Variants in LONRF1 observed in about 807,000 individuals in gnomAD.
LONRF1 encodes LON peptidase N-terminal domain and RING finger protein 1.
A neutral mutation model predicts 85.8 loss-of-function variants in LONRF1; 37 were observed. That is an observed-to-expected ratio of 0.43 (90% confidence interval 0.33 to 0.57). The LOEUF (loss-of-function observed/expected upper bound fraction) is 0.57. Among genes scored for constraint, LONRF1 ranks in the 20% least tolerant of loss-of-function variants. The probability of loss-of-function intolerance (pLI) is 0.04; values close to 1 mark genes in which losing one functional copy is unlikely to be tolerated. For missense variants in LONRF1, 1,036 were observed against 978.0 expected, an observed-to-expected ratio of 1.06 and a Z score of -0.79; for synonymous variants, 517 against 390.1, an observed-to-expected ratio of 1.33 and a Z score of -3.83.
In LONRF1 at chr8:12,736,996, G is replaced by C. The variant is rs1317988810; in HGVS notation, c.1258C>G (p.Gln420Glu). The change falls in exon 5 of 12, where the codon CAA (glutamine) becomes GAA (glutamate). Residue 420 changes from glutamine to glutamate, a missense_variant. Around this residue, in one of 3 missense-constraint regions of LONRF1, gnomAD observed 742 missense variants for 614.4 expected, o/e 1.21. Coordinates refer to ENST00000398246, the MANE Select transcript of LONRF1 (RefSeq NM_152271.5). ...RVSSEPVLSV[Q>E]EKGVLLKRKL... is the part of the protein sequence containing the mutation. ...CTTTTCAGCAGAACACCTTTTTCTT[G>C]AACTGACAGAACAGGTTCTGAGGAC... The C allele has an allele frequency of 6.2e-7, 1 of 1,613,206 alleles. No individual in the cohort carries two copies. The highest frequency in any genetic ancestry group is 1.3e-5 in the African/African-American group (1 of 74,762).
rs1798744188 is a variant in LONRF1 at position 12,737,019 on chromosome 8, G to A, written c.1235C>T (p.Ser412Phe). The change falls in exon 5 of 12, where the codon TCC becomes TTC. Residue 412 changes from serine to phenylalanine, a missense_variant. Physicochemically the swap from Ser to Phe is radical, Grantham distance 155. Transcript: ENST00000398246. ...PAREDCLKRV[S>F]SEPVLSVQEK... The stretch of plus-strand genomic sequence containing the variant: ...TTGAACTGACAGAACAGGTTCTGAG[G>A]ACACTCTTTTTAAACAGTCCTCTCT... 1 of 1,613,584 alleles carries A rather than the reference G, an allele frequency of 6.2e-7. No homozygotes were observed. The highest frequency in any genetic ancestry group is 1.3e-5 in the African/African-American group (1 of 74,962).
intron 1 of LONRF1, among the ~76,000 whole-genome samples, chr8:12,744,422 A>G (rs985271050): frequency 6.6e-6 from 1 of 152,184 alleles, no homozygotes; most frequent in African/African-American, 2.4e-5. Context: ...CATGTCTAGA[A>G]TATTGTGTCT....
In LONRF1 at chr8:12,729,189, C is replaced by G. The variant is rs1798435450; in HGVS notation, c.1832G>C (p.Ser611Thr). Residue 611 changes from serine (S) to threonine (T), a missense_variant, in exon 9 of 12, where the codon AGT (serine) becomes ACT (threonine). Physicochemically the swap from Ser to Thr is moderately conservative, Grantham distance 58. Coordinates refer to ENST00000398246, the MANE Select transcript of LONRF1 (RefSeq NM_152271.5). ...TGTKQFGMCV[S>T]DTQNSFADYG... is the part of the protein sequence containing the mutation. ...AAAAGCATACCTATTTTGTGTATCA[C>G]TGACACACATGCCAAACTGTTTGGT... The G allele has an allele frequency of 6.2e-7, 1 of 1,613,784 alleles. No individual in the cohort carries two copies. The highest frequency in any genetic ancestry group is 1.1e-5 in the South Asian group (1 of 91,084).
At chr8:12,741,576 T>C (rs1411972043) in intron 2 of LONRF1, among the ~76,000 whole-genome samples, 1 of 152,126 alleles carries the variant, frequency 6.6e-6, no homozygotes, top group Non-Finnish European at 1.5e-5. Flanking sequence ...CCCCACAATT[T>C]AAGGAAATTA....
intron 6 of LONRF1, among the ~76,000 whole-genome samples, 164 bp downstream of exon 6, chr8:12,736,537 T>A (rs1435421945): frequency 6.6e-6 from 1 of 152,178 alleles, no homozygotes; most frequent in Non-Finnish European, 1.5e-5. Flanking sequence ...GATTCAGTTA[T>A]TTGCCCAAGG....
At chr8:12,731,116 G>A (rs1334654483) in intron 8 of LONRF1, among the ~76,000 whole-genome samples, 1 of 152,074 alleles carries the variant, frequency 6.6e-6, no homozygotes, top group African/African-American at 2.4e-5. Flanking sequence ...GGGACAACAA[G>A]CAATGCCTGG....
Position 12,740,939 on chromosome 8 carries a change from G to T in LONRF1, c.898C>A (p.Gln300Lys). The T allele has an allele frequency of 6.2e-7, 1 of 1,613,602 alleles. No individual in the cohort carries two copies. Among genetic ancestry groups the T allele is most frequent in the East Asian group, 2.2e-5 (1 of 44,864 alleles). ...AGGGCTAAGCACTGAAGAAAGAGTT[G>T]TAAGGCATCACCTAAAAAACCAGCA... The part of the protein sequence containing the change: ...CDAGFLGDAL[Q>K]LFLQCLALDE... The change falls in exon 3 of 12, where the codon CAA (glutamine) becomes AAA (lysine). Residue 300 changes from glutamine to lysine, a missense_variant. Gln to Lys is a moderately conservative substitution (Grantham distance 53). Coordinates refer to ENST00000398246, the MANE Select transcript of LONRF1 (RefSeq NM_152271.5).
Position 12,736,968 on chromosome 8 carries a change from T to C in LONRF1, c.1286A>G (p.Lys429Arg), listed in dbSNP as rs1370846248. The part of the protein sequence containing the change: ...VQEKGVLLKR[K>R]LSLLEQDVIV... ...CACATCCTGTTCTAAAAGAGACAAC[T>C]TTCTTTTCAGCAGAACACCTTTTTC... The change falls in exon 5 of 12, where the codon AAG becomes AGG. Residue 429 changes from lysine (K) to arginine (R), a missense_variant. By Grantham distance (26) the Lys-to-Arg change is conservative. Transcript: ENST00000398246. 1.2e-6 allele frequency: 2 copies of C among 1,613,572 alleles called. No individual in the cohort carries two copies. The highest frequency in any genetic ancestry group is 1.7e-6 in the Non-Finnish European group (2 of 1,179,664).
chr8:12,737,894 T>C, intron 4 of LONRF1, 101 bp downstream of exon 4: 1 of 1,222,642 alleles, frequency 8.2e-7, no homozygotes, highest in Non-Finnish European at 1.1e-6. Flanking sequence ...AGGTTAAAAG[T>C]ACTTAAGTAG....
chr8:12,729,088 C>T (rs1341297759), intron 9 of LONRF1, 25 bp from the exon 10 acceptor site: 1 of 1,612,634 alleles, frequency 6.2e-7, no homozygotes, highest in Non-Finnish European at 8.5e-7. Flanking sequence ...TGATTAGTAA[C>T]AAAGTTGAAA....
rs1370149454 is a variant in LONRF1 at position 12,755,428 on chromosome 8, G to A, written c.-8C>T. 8 of 1,135,272 alleles carry A rather than the reference G, an allele frequency of 7.0e-6. 1 individual carries two copies. In the South Asian group the frequency reaches 1.7e-4, roughly 24 times the overall value. The allele number at this position is 1,135,272 out of a possible 1,614,324, so 70.3% of individuals were successfully genotyped here. Reference sequence around the variant, plus strand: ...CACCGCCGGAGAGGACATGGCCCGCGGAGGGCTGCGCCGCCGCCGCCCGCC... The same window carrying A: ...CACCGCCGGAGAGGACATGGCCCGCAGAGGGCTGCGCCGCCGCCGCCCGCC... On this transcript the variant is annotated 5_prime_UTR_variant, in exon 1 of 12. Transcript: ENST00000398246.
chr8:12,739,016 T>C (rs1798828045), intron 3 of LONRF1, among the ~76,000 whole-genome samples: 1 of 152,150 alleles, frequency 6.6e-6, no homozygotes, highest in Non-Finnish European at 1.5e-5. Context: ...GCTCAAATAC[T>C]CCATTTAATA....
chr8:12,754,916 C>T lies in LONRF1; in HGVS notation c.505G>A (p.Ala169Thr), dbSNP rs918167368. The T allele has an allele frequency of 5.4e-6, 8 of 1,492,342 alleles. No individual in the cohort carries two copies. Among genetic ancestry groups the T allele is most frequent in the South Asian group, 1.3e-5 (1 of 79,412 alleles). The allele number at this position is 1,492,342 out of a possible 1,614,324, so 92.4% of individuals were successfully genotyped here. A position where few individuals can be genotyped will look rare whatever the true frequency, so the allele number is the denominator to read the frequency against. ...GGGGCGGTCCCTTCAGCATCAGTGGCACTGGCGGTGGCGGGCGGCAGCCGG... is the reference window on the plus strand; with the variant it reads ...GGGGCGGTCCCTTCAGCATCAGTGGTACTGGCGGTGGCGGGCGGCAGCCGG... ...RDRLPPATAS[A>T]TDAEGTAPRP... Residue 169 changes from alanine to threonine, a missense_variant, in exon 1 of 12, where the codon GCC becomes ACC. Transcript: ENST00000398246.
intron 1 of LONRF1, chr8:12,753,327 C>A (rs1247813027): frequency 6.6e-6 from 1 of 152,224 alleles, no homozygotes. Flanking sequence ...TTCAGTTACA[C>A]AGTCTATAAA....
chr8:12,731,626 C>G, intron 8 of LONRF1, 110 bp downstream of exon 8: 1 of 905,666 alleles, frequency 1.1e-6, no homozygotes, highest in East Asian at 2.6e-5. Context: ...CAGACCAATA[C>G]TTCTTGACTA....
chr8:12,723,508 A>T (rs1467737261), intron 11 of LONRF1, among the ~76,000 whole-genome samples: 2 of 152,228 alleles, frequency 1.3e-5, no homozygotes, highest in African/African-American at 4.8e-5. Context: ...CCCCACAGTC[A>T]ACACACGCTC....
chr8:12,725,568 G>C (rs1413403997), intron 11 of LONRF1, among the ~76,000 whole-genome samples, 159 bp downstream of exon 11: 2 of 152,182 alleles, frequency 1.3e-5, no homozygotes, highest in African/African-American at 2.4e-5. Flanking sequence ...CACTGCTCTA[G>C]AGAACTCATG....
chr8:12,744,778 G>A (rs1277346827), intron 1 of LONRF1, among the ~76,000 whole-genome samples: 9 of 152,164 alleles, frequency 5.9e-5, no homozygotes, highest in African/African-American at 2.2e-4. Flanking sequence ...TCCACCCACA[G>A]CTGGGGTGCT....
intron 1 of LONRF1, among the ~76,000 whole-genome samples, chr8:12,746,168 A>G (rs1019185427): frequency 2.0e-5 from 3 of 152,088 alleles, no homozygotes; most frequent in African/African-American, 7.2e-5. Flanking sequence ...CCAAATCTCT[A>G]ATACTATTGC....
Sources: gnomAD v4.1 joint callset for allele counts (sites outside exome capture counted in the v4.1 genomes callset) on GRCh38, gnomAD v4.1.1 for gene constraint, gnomAD v4.1.1 regional missense constraint, MANE v1.5 for transcripts, NCBI Gene and HGNC (gene_info 2026-07-23, HGNC 2026-07-21) for gene names.